RRM2: variants seen among roughly 807,000 people sequenced by gnomAD.
The protein encoded by RRM2 is ribonucleoside-diphosphate reductase subunit M2.
Under a neutral mutation model 45.9 loss-of-function variants are expected in RRM2, and 6 were observed. The observed-to-expected ratio is 0.13, with a 90% CI of 0.07 to 0.26. RRM2 has a LOEUF of 0.26. RRM2 is among the 10% of genes least tolerant of loss of function. The pLI is 1.00. For missense variants in RRM2, 343 were observed against 489.5 expected (o/e 0.70, Z 2.82); for synonymous variants, 177 against 173.0 (o/e 1.02, Z -0.18).
Position 10,187,022 on chromosome 2 carries a change from C to T in RRM2, n.483-23289C>T, listed in dbSNP as rs1357736883. On this transcript the variant is annotated intron_variant and non_coding_transcript_variant, in intron 3 of 3. Transcript: ENST00000381786. Reference sequence around the variant, plus strand: ...AGAGGAGGTGCGTGCGGGGCTGGTGCCGGTGCCCCCGAGGCCCACGTGCAG... The same window carrying T: ...AGAGGAGGTGCGTGCGGGGCTGGTGTCGGTGCCCCCGAGGCCCACGTGCAG... 2.0e-5 allele frequency among the ~76,000 whole-genome samples: 3 copies of T among 152,336 alleles called. No individual in the cohort carries two copies. The East Asian group carries it at 5.8e-4, about 29-fold the overall frequency.
rs759364723 is a variant in RRM2, at chr2:10,195,728, C to T, written n.483-14583C>T. On this transcript the variant is annotated intron_variant and non_coding_transcript_variant, in intron 3 of 3. Transcript: ENST00000381786. This position sits in a 1 kb window ranked among gnomAD's most constrained non-coding sequence, Gnocchi z 4.9. ...CTGCCCAGCAGCAGTGTTCTTGGGC[C>T]TCAGGGACGTGTCGTGACTGGCTGA... Among the ~76,000 whole-genome samples, 1 of 152,138 alleles carries T rather than the reference C, an allele frequency of 6.6e-6. No individual in the cohort carries two copies. The highest frequency in any genetic ancestry group is 6.5e-5 in the Admixed American group (1 of 15,282).
At position 10,171,245 on chromosome 2, in the gene RRM2, C is replaced by T. The variant is rs1469904532; in HGVS notation, n.482+28870C>T. Reference sequence around the variant, plus strand: ...CTCACTGGTGAACAGTCAGCTCTGCCCCCTGGGCTGTCAGGAGGATTAAAT... The same window carrying T: ...CTCACTGGTGAACAGTCAGCTCTGCTCCCTGGGCTGTCAGGAGGATTAAAT... On this transcript the variant is annotated intron_variant and non_coding_transcript_variant, in intron 3 of 3. Coordinates refer to the RRM2 transcript ENST00000381786. The surrounding 1 kb of genome is among the most constrained non-coding windows in gnomAD (Gnocchi z 4.1). Among the ~76,000 whole-genome samples the T allele has an allele frequency of 1.3e-5, 2 of 152,258 alleles. No individual in the cohort carries two copies. Among genetic ancestry groups the T allele is most frequent in the Non-Finnish European group, 2.9e-5 (2 of 68,050 alleles).
At chr2:10,199,622 A>C (rs1457842751) in intron 3 of RRM2, among the ~76,000 whole-genome samples, 2 of 151,860 alleles carry the variant, frequency 1.3e-5, no homozygotes. Context: ...TCTACTAAAA[A>C]TACAAAAATT....
At chr2:10,138,620 AACTG>A (rs1663030129), upstream of RRM2, among the ~76,000 whole-genome samples, 2 of 152,054 alleles carry the variant, frequency 1.3e-5, no homozygotes, top group African/African-American at 4.8e-5. Context: ...CCTTTTGAAA[AACTG>A]ACTGCTCTTG....
intron 3 of RRM2, among the ~76,000 whole-genome samples, chr2:10,157,616 G>T (rs1220990832): frequency 1.7e-4 from 26 of 152,156 alleles, no homozygotes; most frequent in African/African-American, 5.8e-4. Flanking sequence ...CCCTTTTTTG[G>T]CTTGACTCAA....
At chr2:10,124,694 A>T (rs1349655624) in intron 4 of RRM2, 23 bp from the exon 5 acceptor site, 4 of 1,595,156 alleles carry the variant, frequency 2.5e-6, no homozygotes, top group Non-Finnish European at 3.4e-6. Flanking sequence ...CTCAAGCTTA[A>T]CTTTGATGTG....
At chr2:10,191,898 C>T (rs537023094) in intron 3 of RRM2, among the ~76,000 whole-genome samples, 5 of 152,270 alleles carry the variant, frequency 3.3e-5, no homozygotes, top group Admixed American at 2.0e-4. Context: ...GGACCTACAG[C>T]GTGGAGGCAG....
intron 3 of RRM2, among the ~76,000 whole-genome samples, chr2:10,156,674 T>C (rs899789542): frequency 2.0e-5 from 3 of 152,264 alleles, no homozygotes; most frequent in Admixed American, 1.3e-4. Flanking sequence ...ACAGGGTCTC[T>C]GTCACCTAGG....
intron 3 of RRM2, among the ~76,000 whole-genome samples, chr2:10,143,507 A>ACT (rs1481148575): frequency 6.6e-6 from 1 of 152,048 alleles, no homozygotes; most frequent in Non-Finnish European, 1.5e-5. Context: ...CTGGCCAGGC[A>ACT]CTCTCAGTGT....
intron 3 of RRM2, among the ~76,000 whole-genome samples, chr2:10,148,036 C>T (rs1663226593): frequency 1.3e-5 from 2 of 151,412 alleles, no homozygotes; most frequent in Non-Finnish European, 2.9e-5. Flanking sequence ...CCCAGCTACT[C>T]CAGAGGCTGA....
At chr2:10,158,691 G>A (rs1224925798) in intron 3 of RRM2, among the ~76,000 whole-genome samples, 2 of 152,034 alleles carry the variant, frequency 1.3e-5, no homozygotes, top group Admixed American at 6.6e-5. Flanking sequence ...AGTAATAGGG[G>A]CCCTCAAACT....
downstream of RRM2, among the ~76,000 whole-genome samples, chr2:10,135,499 C>T (rs1208577650): frequency 1.3e-5 from 2 of 152,102 alleles, no homozygotes; most frequent in South Asian, 2.1e-4. Context: ...AGGGGAGGGG[C>T]ATGCGTGCGG....
At chr2:10,183,005 C>T (rs13416553) in intron 3 of RRM2, among the ~76,000 whole-genome samples, 2 of 151,870 alleles carry the variant, frequency 1.3e-5, no homozygotes, top group African/African-American at 4.8e-5. Context: ...TTAGGAAGAC[C>T]CTGTCTCTAC....
intron 3 of RRM2, among the ~76,000 whole-genome samples, chr2:10,146,873 T>C (rs952052153): frequency 2.0e-5 from 3 of 152,268 alleles, no homozygotes; most frequent in Non-Finnish European, 4.4e-5. Context: ...ATTTTCACTT[T>C]TTGTGTATTC....
At chr2:10,179,566 C>T (rs1558399113) in intron 3 of RRM2, among the ~76,000 whole-genome samples, 1 of 152,190 alleles carries the variant, frequency 6.6e-6, no homozygotes, top group Non-Finnish European at 1.5e-5. Context: ...CACAAAAATG[C>T]AGTTGCTGGG....
intron 3 of RRM2, among the ~76,000 whole-genome samples, chr2:10,209,454 T>C (rs1170851763): frequency 6.6e-6 from 1 of 152,200 alleles, no homozygotes; most frequent in Non-Finnish European, 1.5e-5. Flanking sequence ...TAGACACTAT[T>C]GTTTTGTCTG....
intron 3 of RRM2, among the ~76,000 whole-genome samples, chr2:10,175,107 G>A (rs1251110725): frequency 7.2e-5 from 11 of 152,166 alleles, no homozygotes; most frequent in Non-Finnish European, 1.2e-4. Flanking sequence ...ATGCAGAAAA[G>A]TGCACAAATC....
Position 10,122,964 on chromosome 2 carries a change from C to A in RRM2, c.100-19C>A. On this transcript the variant is annotated intron_variant, in intron 1 of 9. Transcript: ENST00000304567. ...AGGGAAAGCGAAGCCGCTCCTCACT[C>A]ACACGCGTCTCCCCGCAGCCGCCGG... The A allele has an allele frequency of 6.5e-7, 1 of 1,548,102 alleles. No individual in the cohort carries two copies. The highest frequency in any genetic ancestry group is 1.4e-5 in the African/African-American group (1 of 73,982).
At chr2:10,166,078 C>T (rs1416794479) in intron 3 of RRM2, among the ~76,000 whole-genome samples, 4 of 152,226 alleles carry the variant, frequency 2.6e-5, no homozygotes, top group African/African-American at 9.6e-5. Flanking sequence ...GACGGTCCTT[C>T]TGCCCCGAGG....
Sources: gnomAD v4.1 joint callset for allele counts (sites outside exome capture counted in the v4.1 genomes callset) on GRCh38, gnomAD v4.1.1 for gene constraint, Gnocchi (gnomAD v3.1) non-coding constraint, MANE v1.5 for transcripts, NCBI Gene and HGNC (gene_info 2026-07-23, HGNC 2026-07-21) for gene names.